Variants in NFATC1 observed in about 807,000 individuals in gnomAD.
The protein encoded by NFATC1 is nuclear factor of activated T cells 1, also known as nuclear factor of activated T-cells, cytoplasmic 1.
NFATC1 carries 22 observed loss-of-function variants against 76.0 expected under a neutral mutation model. The ratio of observed to expected loss-of-function variants is 0.29; its 90% CI spans 0.21 to 0.41. NFATC1 has a LOEUF of 0.41. Among genes scored for constraint, NFATC1 ranks in the 10% least tolerant of loss-of-function variants. The probability of loss-of-function intolerance (pLI) is 1.00; values close to 1 mark genes in which losing one functional copy is unlikely to be tolerated. For synonymous variants in NFATC1, 704 were observed against 613.1 expected (o/e 1.15, Z -2.19); for missense variants, 1,357 against 1,337.7 (o/e 1.01, Z -0.23).
At chr18:79,431,333 C>T (rs1038042264) in intron 2 of NFATC1, among the ~76,000 whole-genome samples, 5 of 152,144 alleles carry the variant, frequency 3.3e-5, no homozygotes, top group Non-Finnish European at 7.3e-5. Flanking sequence ...CCTCTTTAAA[C>T]GAGTCTTCTA....
rs764867211 is a variant in NFATC1 at position 79,410,415 on chromosome 18, A to G, written c.140A>G (p.Tyr47Cys). The G allele has an allele frequency of 3.1e-6, 5 of 1,609,616 alleles. No homozygotes were observed. The Admixed American group carries it at 6.7e-5, about 22-fold the overall frequency. Residue 47 changes from tyrosine (Y) to cysteine (C), a missense_variant, in exon 2 of 10, where the codon TAT becomes TGT. Tyr to Cys is a radical substitution (Grantham distance 194). This residue lies in a region of NFATC1 where 691 missense variants were observed against 613.1 expected (regional missense o/e 1.13). Coordinates refer to ENST00000427363, the MANE Select transcript of NFATC1 (RefSeq NM_001278669.2). The surrounding 1 kb of genome is among the most constrained non-coding windows in gnomAD (Gnocchi z 6.7). ...TTTTTCTCTCTAGAACACTATGGCT[A>G]TGCATCCTCCAACGTCAGCCCCGCC... ...MKSAEEEHYG[Y>C]ASSNVSPALP...
At chr18:79,400,088 G>T (rs1483026049) in intron 1 of NFATC1, among the ~76,000 whole-genome samples, 1 of 143,926 alleles carries the variant, frequency 6.9e-6, no homozygotes, top group Non-Finnish European at 1.5e-5. Flanking sequence ...GCCGGGCCGG[G>T]ACCCCCAGGG....
At chr18:79,506,976 G>A (rs552427049) in intron 9 of NFATC1, among the ~76,000 whole-genome samples, 4 of 152,292 alleles carry the variant, frequency 2.6e-5, no homozygotes, top group Non-Finnish European at 4.4e-5. Flanking sequence ...ACCAGGCCCC[G>A]GACCCATAAT....
intron 2 of NFATC1, among the ~76,000 whole-genome samples, chr18:79,425,467 C>G (rs1029841110): frequency 1.1e-4 from 16 of 152,186 alleles, no homozygotes; most frequent in Non-Finnish European, 2.4e-4. Flanking sequence ...CAGAGTCTGT[C>G]GCTTCGTCTG....
At chr18:79,490,876 G>A (rs9965348) in intron 9 of NFATC1, among the ~76,000 whole-genome samples, 14,181 of 152,100 alleles carry the variant, frequency 0.093, 2,154 homozygotes, top group African/African-American at 0.32. Context: ...GCTCACAAAC[G>A]CCGTGACATA....
intron 9 of NFATC1, among the ~76,000 whole-genome samples, chr18:79,519,758 G>A (rs1264221402): frequency 6.6e-6 from 1 of 152,224 alleles, no homozygotes; most frequent in African/African-American, 2.4e-5. Flanking sequence ...ACGTTGAAGG[G>A]ACGCACTGCA....
rs576241494 is a variant in NFATC1 at position 79,419,474 on chromosome 18, C to G, written c.1226+7973C>G. ...CTAGGAGGGCCGGCACCTGCCTGCCCGGGAGCCCCCCTAGGAGGGCCGGCA... is the reference window on the plus strand; with the variant it reads ...CTAGGAGGGCCGGCACCTGCCTGCCGGGGAGCCCCCCTAGGAGGGCCGGCA... On this transcript the variant is annotated intron_variant, in intron 2 of 9. Transcript: ENST00000427363. Among the ~76,000 whole-genome samples the G allele has an allele frequency of 3.4e-5, 5 of 147,368 alleles. No homozygotes were observed. In the South Asian group the frequency reaches 1.1e-3, roughly 32 times the overall value.
rs762273112 is a variant in NFATC1 at position 79,486,229 on chromosome 18, T to C, written c.2093-19T>C. 3.8e-6 allele frequency: 6 copies of C among 1,586,478 alleles called. No individual in the cohort carries two copies. Among genetic ancestry groups the C allele is most frequent in the Non-Finnish European group, 5.2e-6 (6 of 1,163,814 alleles). On this transcript the variant is annotated intron_variant, in intron 8 of 9. Transcript: ENST00000427363. ...ATTCGCAACTTGTGTTTATTTAATT[T>C]TTTTTTTCCTTCTCACAGTTCCAAT...
chr18:79,441,601 G>A (rs1188279208), intron 3 of NFATC1, among the ~76,000 whole-genome samples: 1 of 152,158 alleles, frequency 6.6e-6, no homozygotes, highest in Non-Finnish European at 1.5e-5. Context: ...GGCCCTGCTG[G>A]GGTAGACTGG....
intron 3 of NFATC1, among the ~76,000 whole-genome samples, chr18:79,440,995 C>T (rs924792866): frequency 6.6e-6 from 1 of 152,230 alleles, no homozygotes; most frequent in Admixed American, 6.5e-5. Flanking sequence ...TCAAGCCACA[C>T]CTCCCTCCTC....
intron 9 of NFATC1, among the ~76,000 whole-genome samples, chr18:79,492,044 G>A (rs1667673): frequency 6.6e-6 from 1 of 152,094 alleles, no homozygotes; most frequent in African/African-American, 2.4e-5. Context: ...TCTGTGCGTA[G>A]TGGTTTTTCA....
At chr18:79,459,151 A>C (rs919338892) in intron 6 of NFATC1, among the ~76,000 whole-genome samples, 2 of 152,074 alleles carry the variant, frequency 1.3e-5, no homozygotes, top group Non-Finnish European at 2.9e-5. Context: ...ATCTGCTCCC[A>C]CCTGCGCAGG....
chr18:79,402,325 C>A (rs923172308), intron 1 of NFATC1: 1 of 985,296 alleles, frequency 1.0e-6, no homozygotes, highest in Non-Finnish European at 1.2e-6. Context: ...GATATGGGGA[C>A]CCTGGTGAAC....
intron 3 of NFATC1, among the ~76,000 whole-genome samples, chr18:79,444,270 G>T (rs2087104161): frequency 6.6e-6 from 1 of 152,154 alleles, no homozygotes; most frequent in African/African-American, 2.4e-5. Context: ...GTGTGTGTGT[G>T]CCCACGTGTG....
intron 3 of NFATC1, among the ~76,000 whole-genome samples, chr18:79,442,277 G>A (rs1464762232): frequency 6.6e-6 from 1 of 152,248 alleles, no homozygotes; most frequent in African/African-American, 2.4e-5. Context: ...CCACAGGTGT[G>A]GCCGGGCGGC....
At chr18:79,501,978 C>G (rs1232953281) in intron 9 of NFATC1, among the ~76,000 whole-genome samples, 1 of 152,146 alleles carries the variant, frequency 6.6e-6, no homozygotes, top group Non-Finnish European at 1.5e-5. Flanking sequence ...AAAACTCCAG[C>G]AATTTTTTCT....
At chr18:79,439,864 G>T (rs528271010) in intron 3 of NFATC1, among the ~76,000 whole-genome samples, 1 of 152,214 alleles carries the variant, frequency 6.6e-6, no homozygotes, top group South Asian at 2.1e-4. Flanking sequence ...GGGCAGATTC[G>T]CTGTGTCAGG....
chr18:79,486,520 G>C lies in NFATC1; in HGVS notation c.2365G>C (p.Gly789Arg), dbSNP rs773186253. 2 of 1,601,684 alleles carry C rather than the reference G, an allele frequency of 1.2e-6. No individual in the cohort carries two copies. The highest frequency in any genetic ancestry group is 3.3e-5 in the Admixed American group (2 of 59,752). Residue 789 changes from glycine (G) to arginine (R), a missense_variant, in exon 9 of 10, where the codon GGA becomes CGA. Gly to Arg is a moderately radical substitution (Grantham distance 125). Transcript: ENST00000427363. ...GVASPGHCHL[G>R]LPQPAGEAPA... ...TGCCAGCCCGGGCCACTGTCACCTC[G>C]GACTCCCGCAGCCGGCCGGAGAGGC...
intron 1 of NFATC1, among the ~76,000 whole-genome samples, chr18:79,407,996 TC>T: frequency 6.7e-6 from 1 of 149,790 alleles, no homozygotes; most frequent in African/African-American, 2.4e-5. Flanking sequence ...CTGTTTCTTT[TC>T]TCTTTGTTAT....
Sources: allele counts gnomAD v4.1 joint callset (sites outside exome capture counted in the v4.1 genomes callset), GRCh38; gene constraint gnomAD v4.1.1; regional missense constraint gnomAD v4.1.1; non-coding constraint Gnocchi (gnomAD v3.1); transcripts MANE v1.5; gene names NCBI Gene and HGNC (gene_info 2026-07-23, HGNC 2026-07-21).